SEZ6L: variants seen among roughly 807,000 people sequenced by gnomAD.
SEZ6L encodes seizure 6-like protein.
In SEZ6L, 37 loss-of-function variants were observed where a neutral mutation model predicts 106.2. That is an observed-to-expected ratio of 0.35 (90% CI 0.27 to 0.46). SEZ6L has a LOEUF of 0.46. Ranked by LOEUF, SEZ6L falls within the 20% of genes least tolerant of loss-of-function variation. SEZ6L has a pLI of 1.00. For missense variants in SEZ6L, 1,172 were observed against 1,332.8 expected, an observed-to-expected ratio of 0.88 and a Z score of 1.88; for synonymous variants, 541 against 570.4, an observed-to-expected ratio of 0.95 and a Z score of 0.73.
chr22:26,305,886 C>T, intron 5 of SEZ6L, 93 bp from the exon 6 acceptor site: 3 of 1,256,074 alleles, frequency 2.4e-6, no homozygotes, highest in Non-Finnish European at 3.3e-6. Context: ...ACACTCACTT[C>T]CTTCTCTCTC....
chr22:26,218,809 TGCTTGTAATCCCA>T (rs1309298419), intron 1 of SEZ6L, among the ~76,000 whole-genome samples: 21 of 152,122 alleles, frequency 1.4e-4, no homozygotes, highest in Non-Finnish European at 2.6e-4. Context: ...TAGTGGTGCA[TGCTTGTAATCCCA>T]GCTACTTGGG....
chr22:26,378,418 T>G (rs1244182264), intron 16 of SEZ6L, among the ~76,000 whole-genome samples: 1 of 152,212 alleles, frequency 6.6e-6, no homozygotes, highest in Admixed American at 6.5e-5. Flanking sequence ...ATGCACAGCC[T>G]GAAGCCAGGA....
chr22:26,180,442 T>C (rs1457994756), intron 1 of SEZ6L, among the ~76,000 whole-genome samples: 1 of 152,228 alleles, frequency 6.6e-6, no homozygotes, highest in Admixed American at 6.5e-5. Context: ...TTCTTAGCTA[T>C]TCAGTTGAAT....
rs142113538 is a variant in SEZ6L, at chr22:26,289,442, G to A, written c.95-2964G>A. The stretch of plus-strand genomic sequence containing the variant: ...AAAGAGGCTGCTGAACCTCAGCAAG[G>A]TTCAAGGACTTGCCCAGACTCACTC... On this transcript the variant is annotated intron_variant, in intron 1 of 16. Coordinates refer to ENST00000248933, the MANE Select transcript of SEZ6L (RefSeq NM_021115.5). Among the ~76,000 whole-genome samples, 12 of 152,314 alleles carry A rather than the reference G, an allele frequency of 7.9e-5. No homozygotes were observed. The South Asian group carries it at 1.7e-3, about 21-fold the overall frequency.
chr22:26,369,490 G>A (rs1056858721), intron 13 of SEZ6L, among the ~76,000 whole-genome samples: 6 of 151,344 alleles, frequency 4.0e-5, no homozygotes, highest in Non-Finnish European at 7.4e-5. Flanking sequence ...ACAGGCGCCC[G>A]CCACCACACC....
chr22:26,227,687 G>A (rs1319892491), intron 1 of SEZ6L, among the ~76,000 whole-genome samples: 1 of 151,108 alleles, frequency 6.6e-6, no homozygotes, highest in Non-Finnish European at 1.5e-5. Context: ...TCAAAGCACT[G>A]GGATTAGAGG....
At chr22:26,274,252 C>T (rs2080466924) in intron 1 of SEZ6L, among the ~76,000 whole-genome samples, 2 of 152,164 alleles carry the variant, frequency 1.3e-5, no homozygotes, top group South Asian at 4.1e-4. Flanking sequence ...ATGAAATGAT[C>T]CATAAGTTTA....
At chr22:26,209,495 ATGGAT>A (rs1451024150) in intron 1 of SEZ6L, among the ~76,000 whole-genome samples, 20 of 137,314 alleles carry the variant, frequency 1.5e-4, no homozygotes, top group Admixed American at 1.3e-3. Flanking sequence ...GGATGGATGG[ATGGAT>A]GGCAGGGAGG....
rs2081618973 is a variant in SEZ6L, at chr22:26,306,010, C to T, written c.1380C>T (p.Thr460=). The T allele has an allele frequency of 1.2e-6, 2 of 1,614,094 alleles. No homozygotes were observed. The highest frequency in any genetic ancestry group is 1.1e-5 in the South Asian group (1 of 91,074). ...APCGGAVHNA[T]IGRVLSPSYP... is the part of the protein sequence containing the mutation. The stretch of plus-strand genomic sequence containing the variant: ...GTGGAGGGGCAGTGCACAATGCCAC[C>T]ATCGGCCGCGTCCTCTCCCCAAGTT... Residue 460 remains threonine (T), a synonymous_variant, in exon 6 of 17, where the codon ACC becomes ACT. Coordinates refer to ENST00000248933, the MANE Select transcript of SEZ6L (RefSeq NM_021115.5).
chr22:26,245,418 C>T (rs17302009), intron 1 of SEZ6L, among the ~76,000 whole-genome samples: 21,325 of 152,070 alleles, frequency 0.14, 1,844 homozygotes, highest in Middle Eastern at 0.23. Flanking sequence ...TGAACCTGTT[C>T]TGCAGGCTCC....
At chr22:26,224,522 T>A (rs1375961142) in intron 1 of SEZ6L, among the ~76,000 whole-genome samples, 1 of 151,890 alleles carries the variant, frequency 6.6e-6, no homozygotes, top group Non-Finnish European at 1.5e-5. Context: ...GAGCAGGGAG[T>A]GGCTTCATAG....
intron 1 of SEZ6L, among the ~76,000 whole-genome samples, chr22:26,285,526 C>T (rs1385331452): frequency 7.9e-5 from 12 of 152,152 alleles, no homozygotes; most frequent in Admixed American, 7.2e-4. Flanking sequence ...GGCAATCTTG[C>T]CACCCAGGAA....
intron 8 of SEZ6L, among the ~76,000 whole-genome samples, chr22:26,312,689 G>A (rs1569458386): frequency 6.6e-6 from 1 of 152,202 alleles, no homozygotes; most frequent in Non-Finnish European, 1.5e-5. Context: ...TCCTGTCTCA[G>A]CCTCCTGAGT....
At chr22:26,290,129 A>G (rs1039571018) in intron 1 of SEZ6L, among the ~76,000 whole-genome samples, 2 of 152,216 alleles carry the variant, frequency 1.3e-5, no homozygotes, top group Non-Finnish European at 2.9e-5. Flanking sequence ...TGAGGCTTGG[A>G]GAGTGAAGTC....
At chr22:26,309,700 T>A (rs2081752962) in intron 6 of SEZ6L, among the ~76,000 whole-genome samples, 1 of 152,122 alleles carries the variant, frequency 6.6e-6, no homozygotes, top group Non-Finnish European at 1.5e-5. Context: ...TGCCTCAGCC[T>A]CCAGAGTAGC....
intron 1 of SEZ6L, among the ~76,000 whole-genome samples, chr22:26,230,543 G>T (rs968833440): frequency 1.3e-5 from 2 of 152,176 alleles, no homozygotes; most frequent in East Asian, 3.8e-4. Context: ...CTAATGGAAT[G>T]AATCAGATAA....
At chr22:26,320,537 G>T (rs529442106) in intron 9 of SEZ6L, among the ~76,000 whole-genome samples, 1 of 152,324 alleles carries the variant, frequency 6.6e-6, no homozygotes, top group African/African-American at 2.4e-5. Context: ...AGTTTAAATC[G>T]ATTCCACATA....
intron 6 of SEZ6L, among the ~76,000 whole-genome samples, chr22:26,310,301 C>A (rs920105893): frequency 2.0e-5 from 3 of 152,076 alleles, no homozygotes; most frequent in African/African-American, 7.2e-5. Flanking sequence ...TTTGGGAGGC[C>A]AAGGCGGGTG....
intron 1 of SEZ6L, among the ~76,000 whole-genome samples, chr22:26,228,286 C>T (rs757818459): frequency 5.9e-5 from 9 of 152,044 alleles, no homozygotes; most frequent in Non-Finnish European, 1.0e-4. Flanking sequence ...GAGTCTGGGT[C>T]GATGAAGGGC....
Sources: gnomAD v4.1 joint callset for allele counts (sites outside exome capture counted in the v4.1 genomes callset) on GRCh38, gnomAD v4.1.1 for gene constraint, MANE v1.5 for transcripts, NCBI Gene and HGNC (gene_info 2026-07-23, HGNC 2026-07-21) for gene names.